Variants in TASOR2 observed in about 807,000 individuals in gnomAD.
The protein encoded by TASOR2 is protein TASOR 2.
Under a neutral mutation model 199.5 loss-of-function variants are expected in TASOR2, and 84 were observed. That is an observed-to-expected ratio of 0.42 (90% CI 0.35 to 0.50). TASOR2 has a LOEUF of 0.50. Among genes scored for constraint, TASOR2 ranks in the 20% least tolerant of loss-of-function variants. TASOR2 has a pLI of 0.02. For synonymous variants in TASOR2, 1,103 were observed against 1,046.6 expected, an observed-to-expected ratio of 1.05 and a Z score of -1.04; for missense variants, 2,796 against 2,835.9, an observed-to-expected ratio of 0.99 and a Z score of 0.32.
intron 14 of TASOR2, among the ~76,000 whole-genome samples, chr10:5,744,909 G>A (rs1044925876): frequency 5.3e-5 from 8 of 152,180 alleles, no homozygotes; most frequent in Non-Finnish European, 1.0e-4. Context: ...GATTACAGGC[G>A]TGAGAAGCCG....
At chr10:5,759,070 G>A (rs1839396279) in intron 18 of TASOR2, 78 bp downstream of exon 19, 1 of 974,496 alleles carries the variant, frequency 1.0e-6, no homozygotes, top group Non-Finnish European at 1.6e-6. Flanking sequence ...ATGGGCTCTA[G>A]CCTAGTGCTG....
chr10:5,711,802 G>C (rs1186190237), intron 1 of TASOR2, among the ~76,000 whole-genome samples: 1 of 151,972 alleles, frequency 6.6e-6, no homozygotes, highest in Non-Finnish European at 1.5e-5. Context: ...ATGAAAGAAA[G>C]TGATTTTATA....
exon 15 of TASOR2, chr10:5,747,964 T>A: frequency 1.2e-6 from 2 of 1,613,790 alleles, no homozygotes; most frequent in Non-Finnish European, 1.7e-6. Context: ...TTTATCTTTC[T>A]CAGGAAAGGT....
At chr10:5,716,567 TAAAAG>T (rs1051815975) in intron 2 of TASOR2, among the ~76,000 whole-genome samples, 2 of 152,054 alleles carry the variant, frequency 1.3e-5, no homozygotes, top group Non-Finnish European at 2.9e-5. Flanking sequence ...AATTCAGACA[TAAAAG>T]TAAAGAGCAT....
exon 8 of TASOR2, chr10:5,724,458 G>T (rs749759371): frequency 1.3e-6 from 2 of 1,544,298 alleles, no homozygotes; most frequent in East Asian, 2.5e-5. Flanking sequence ...GCTTCAATTT[G>T]TATGAGGTAG....
intron 16 of TASOR2, among the ~76,000 whole-genome samples, chr10:5,757,057 G>C (rs529014282): frequency 1.1e-4 from 17 of 152,326 alleles, no homozygotes; most frequent in African/African-American, 3.8e-4. Flanking sequence ...GAAATTTTCT[G>C]AACCATTATA....
intron 1 of TASOR2, chr10:5,709,458 A>G (rs922434435): frequency 9.8e-7 from 1 of 1,019,952 alleles, no homozygotes; most frequent in African/African-American, 1.7e-5. Flanking sequence ...CTCAGCGAAC[A>G]TTTGTTTCTA....
chr10:5,723,686 A>G, exon 7 of TASOR2: 1 of 1,581,548 alleles, frequency 6.3e-7, no homozygotes. Context: ...GACCGCAGGA[A>G]CTAGATTTTA....
intron 15 of TASOR2, among the ~76,000 whole-genome samples, chr10:5,753,598 G>A (rs531197136): frequency 6.6e-6 from 1 of 152,264 alleles, no homozygotes; most frequent in East Asian, 1.9e-4. Context: ...CTGACCTTGT[G>A]ATCCGCCTAC....
In TASOR2 at chr10:5,715,944, AT is replaced by A. The variant is rs1397778504; in HGVS notation, c.-191-1709del. Reference sequence around the variant, plus strand: ...GTGTGAGCTACCCTGCCTGGCCGCAATTTTTTACTCATGTGAACATCACAGA... The same window carrying A: ...GTGTGAGCTACCCTGCCTGGCCGCAATTTTTACTCATGTGAACATCACAGA... On this transcript the variant is annotated intron_variant, in intron 2 of 20. Coordinates refer to ENST00000328090, the Ensembl canonical transcript of TASOR2. 1.3e-5 allele frequency among the ~76,000 whole-genome samples: 2 copies of A among 152,052 alleles called. 1 individual carries two copies. Among genetic ancestry groups the A allele is most frequent in the East Asian group, 3.9e-4 (2 of 5,190 alleles).
rs780093143 is a variant in TASOR2 at position 5,748,276 on chromosome 10, T to C, written c.4855T>C (p.Phe1619Leu). ...CCCTAAAAGCAGTCAGAACCATCTC[T>C]TTCCCGGTGATTTGAAAACAGATGA... The change falls in exon 15 of 21, where the codon TTT becomes CTT. Residue 1619 changes from phenylalanine to leucine, a missense_variant. Transcript: ENST00000328090. The surrounding 1 kb of genome is among the most constrained non-coding windows in gnomAD (Gnocchi z 5.1). 6 of 1,614,078 alleles carry C rather than the reference T, an allele frequency of 3.7e-6. No homozygotes were observed. In the African/African-American group the frequency reaches 8.0e-5, roughly 22 times the overall value.
At chr10:5,700,382 T>C (rs1837672843) in intron 1 of TASOR2, among the ~76,000 whole-genome samples, 1 of 152,202 alleles carries the variant, frequency 6.6e-6, no homozygotes, top group Non-Finnish European at 1.5e-5. Context: ...TGAATAGTGT[T>C]GCAGTAAATA....
At chr10:5,688,009 A>G (rs1835979891) in intron 1 of TASOR2, among the ~76,000 whole-genome samples, 1 of 152,176 alleles carries the variant, frequency 6.6e-6, no homozygotes, top group Admixed American at 6.5e-5. Flanking sequence ...ATTTTTGTAC[A>G]TTTTTGCAAA....
intron 14 of TASOR2, among the ~76,000 whole-genome samples, chr10:5,743,640 G>A (rs1197433256): frequency 6.6e-6 from 1 of 152,054 alleles, no homozygotes; most frequent in African/African-American, 2.4e-5. Flanking sequence ...ATAAAATCCA[G>A]TTAAGAATCA....
chr10:5,747,585 T>C, exon 15 of TASOR2: 1 of 1,614,228 alleles, frequency 6.2e-7, no homozygotes, highest in Non-Finnish European at 8.5e-7. Context: ...ATGTGACCTC[T>C]GATTTTCCCT....
At chr10:5,717,259 A>G (rs2131561608) in intron 2 of TASOR2, among the ~76,000 whole-genome samples, 1 of 152,272 alleles carries the variant, frequency 6.6e-6, no homozygotes, top group Non-Finnish European at 1.5e-5. Flanking sequence ...TTTGTGTATA[A>G]TAATACTTTC....
At chr10:5,727,380 A>T (rs918280199) in intron 10 of TASOR2, among the ~76,000 whole-genome samples, 3 of 152,222 alleles carry the variant, frequency 2.0e-5, no homozygotes, top group African/African-American at 7.2e-5. Flanking sequence ...CAGCATGTCT[A>T]AAACTGAATT....
chr10:5,720,263 A>G lies in TASOR2; in HGVS notation c.-99-281A>G. On this transcript the variant is annotated intron_variant, in intron 3 of 20. Transcript: ENST00000328090. This position sits in a 1 kb window ranked among gnomAD's most constrained non-coding sequence, Gnocchi z 5.3. ...AGTTTTAATATTTTCATTCTAGGGA[A>G]AAGTCAAGTTTGTGTCTGAGAATTA... The G allele has an allele frequency of 6.1e-6, 6 of 985,400 alleles. No homozygotes were observed. Among genetic ancestry groups the G allele is most frequent in the Non-Finnish European group, 4.8e-6 (4 of 829,884 alleles). The allele number at this position is 985,400 out of a possible 1,614,324, so 61.0% of individuals were successfully genotyped here. A position where few individuals can be genotyped will look rare whatever the true frequency, so the allele number is the denominator to read the frequency against.
Position 5,740,135 on chromosome 10 carries a change from A to G in TASOR2, c.1965A>G (p.Ser655=), listed in dbSNP as rs368818921. The stretch of plus-strand genomic sequence containing the variant: ...GCTCTTCTGTTTCTGTGGAACATTC[A>G]TATGCCCTGCTCCTTACAGAACATT... The change falls in exon 13 of 21, where the codon TCA becomes TCG. Residue 655 remains serine, a synonymous_variant. Transcript: ENST00000328090. This position sits in a 1 kb window ranked among gnomAD's most constrained non-coding sequence, Gnocchi z 5.3. 281 of 1,614,180 alleles carry G rather than the reference A, an allele frequency of 1.7e-4. No homozygotes were observed. The Middle Eastern group carries it at 3.3e-3, about 19-fold the overall frequency.
Sources: gnomAD v4.1 joint callset for allele counts (sites outside exome capture counted in the v4.1 genomes callset) on GRCh38, gnomAD v4.1.1 for gene constraint, Gnocchi (gnomAD v3.1) non-coding constraint, MANE v1.5 for transcripts, NCBI Gene and HGNC (gene_info 2026-07-23, HGNC 2026-07-21) for gene names.